The following LNX1 variants were observed in gnomAD, a reference collection of about 807,000 sequenced individuals.
LNX1 encodes the protein E3 ubiquitin-protein ligase LNX.
Under a neutral mutation model 68.4 loss-of-function variants are expected in LNX1, and 54 were observed. That is an observed-to-expected ratio of 0.79 (90% confidence interval 0.63 to 0.99). The LOEUF is 0.99. LNX1 is among the 50% of genes least tolerant of loss of function. The pLI is 0.00. For missense variants in LNX1, 906 were observed against 926.4 expected (o/e 0.98, Z 0.29); for synonymous variants, 336 against 350.0 (o/e 0.96, Z 0.45).
At chr4:53,591,728 C>T, upstream of LNX1, 1 of 262,682 alleles carries the variant, frequency 3.8e-6, no homozygotes, top group Non-Finnish European at 5.9e-6. Flanking sequence ...GTGGAATTTA[C>T]TTTCTTTCCT....
chr4:53,597,155 C>T (rs890660796), intron 2 of LNX1, among the ~76,000 whole-genome samples: 1 of 152,176 alleles, frequency 6.6e-6, no homozygotes, highest in Non-Finnish European at 1.5e-5. Flanking sequence ...AGATGAGTGC[C>T]TCTACCTATG....
intron 2 of LNX1, among the ~76,000 whole-genome samples, chr4:53,616,023 C>T (rs952999485): frequency 2.6e-5 from 4 of 151,970 alleles, no homozygotes; most frequent in African/African-American, 9.7e-5. Context: ...TTTTTGTATT[C>T]ATTTGCCCTC....
intron 2 of LNX1, among the ~76,000 whole-genome samples, chr4:53,556,407 T>G (rs1729914528): frequency 6.6e-6 from 1 of 152,186 alleles, no homozygotes. Flanking sequence ...TCTGTTGTTT[T>G]AAGACATCCA....
chr4:53,467,824 A>G (rs1310978004), intron 9 of LNX1, among the ~76,000 whole-genome samples: 2 of 152,232 alleles, frequency 1.3e-5, no homozygotes, highest in African/African-American at 4.8e-5. Context: ...AAAGTCTCCA[A>G]GAAATATGGG....
At chr4:53,614,325 C>A (rs1385056342) in intron 2 of LNX1, among the ~76,000 whole-genome samples, 4 of 152,146 alleles carry the variant, frequency 2.6e-5, no homozygotes, top group Non-Finnish European at 5.9e-5. Context: ...TATTCTAAGA[C>A]TTCCCCTCCC....
At chr4:53,521,524 A>G (rs1357685976) in intron 2 of LNX1, among the ~76,000 whole-genome samples, 1 of 152,220 alleles carries the variant, frequency 6.6e-6, no homozygotes, top group Non-Finnish European at 1.5e-5. Context: ...CGTGTCATGC[A>G]AAGATAGCTG....
At chr4:53,589,915 ATTAT>A (rs1239568568) in intron 1 of LNX1, among the ~76,000 whole-genome samples, 1 of 152,232 alleles carries the variant, frequency 6.6e-6, no homozygotes, top group East Asian at 1.9e-4. Flanking sequence ...CAGTGATGAA[ATTAT>A]TTATTTAATC....
chr4:53,471,240 A>T (rs1031329318), intron 9 of LNX1, among the ~76,000 whole-genome samples: 2 of 151,990 alleles, frequency 1.3e-5, no homozygotes, highest in Non-Finnish European at 2.9e-5. Flanking sequence ...AGCAATGGGG[A>T]AACGATTCCC....
intron 2 of LNX1, among the ~76,000 whole-genome samples, chr4:53,611,922 C>T (rs1263365138): frequency 1.3e-5 from 2 of 152,070 alleles, no homozygotes; most frequent in African/African-American, 4.8e-5. Context: ...TATAACTTTT[C>T]AGGCAGAGAT....
At chr4:53,597,409 C>T (rs1247839490) in intron 2 of LNX1, among the ~76,000 whole-genome samples, 3 of 152,190 alleles carry the variant, frequency 2.0e-5, no homozygotes, top group African/African-American at 4.8e-5. Context: ...CACCTGCCAG[C>T]CCCCATGCCA....
At chr4:53,590,076 C>T (rs1732414618) in intron 1 of LNX1, among the ~76,000 whole-genome samples, 1 of 150,366 alleles carries the variant, frequency 6.7e-6, no homozygotes, top group Non-Finnish European at 1.5e-5. Flanking sequence ...GGTGGCCAAA[C>T]CCCCCCCCTT....
chr4:53,591,545 C>A (rs1367917866), upstream of LNX1: 12 of 985,348 alleles, frequency 1.2e-5, no homozygotes, highest in Non-Finnish European at 1.2e-5. Flanking sequence ...ATTGGTCGCT[C>A]CAGACCAGGA....
intron 2 of LNX1, among the ~76,000 whole-genome samples, chr4:53,533,457 G>T (rs58887272): frequency 1.3e-5 from 2 of 152,076 alleles, no homozygotes; most frequent in South Asian, 4.1e-4. Context: ...GGAGTGCAGC[G>T]GTGCGTTCTC....
chr4:53,536,219 A>G (rs1380291505), intron 2 of LNX1, among the ~76,000 whole-genome samples: 1 of 152,196 alleles, frequency 6.6e-6, no homozygotes, highest in East Asian at 1.9e-4. Flanking sequence ...TACACTTCCC[A>G]TATTCTCAGG....
At chr4:53,483,034 T>C (rs1724047975) in intron 6 of LNX1, among the ~76,000 whole-genome samples, 1 of 152,236 alleles carries the variant, frequency 6.6e-6, no homozygotes, top group African/African-American at 2.4e-5. Flanking sequence ...ATGGTTTGAC[T>C]GTGTCCCCAG....
chr4:53,564,540 C>T (rs1730510449), intron 2 of LNX1, among the ~76,000 whole-genome samples: 1 of 152,118 alleles, frequency 6.6e-6, no homozygotes, highest in African/African-American at 2.4e-5. Flanking sequence ...ATAATTATTC[C>T]CCAGAGATGT....
At chr4:53,483,081 CAT>C (rs961921645) in intron 6 of LNX1, among the ~76,000 whole-genome samples, 2 of 152,126 alleles carry the variant, frequency 1.3e-5, no homozygotes, top group African/African-American at 4.8e-5. Context: ...CCATAATTCC[CAT>C]ATGTCATCGG....
chr4:53,558,160 A>G, intron 2 of LNX1: 3 of 1,382,032 alleles, frequency 2.2e-6, no homozygotes, highest in Non-Finnish European at 2.8e-6. Context: ...TCTGATTCTC[A>G]GATGAGAGGA....
Position 53,461,566 on chromosome 4 carries a change from T to C in LNX1, c.1920A>G (p.Val640=), listed in dbSNP as rs1194057441. The C allele has an allele frequency of 1.2e-6, 2 of 1,612,056 alleles. No homozygotes were observed. The highest frequency in any genetic ancestry group is 2.2e-5 in the East Asian group (1 of 44,828). ...GACTTCCAGCTGTGTTTCTTCGTAA[T>C]ACAATATCTTTACAGTTATACAAGC... The part of the protein sequence containing the change: ...PRCLYNCKDI[V]LRRNTAGSLG... The change falls in exon 10 of 11, where the codon GTA becomes GTG. Residue 640 remains valine (V), a synonymous_variant. Coordinates refer to ENST00000263925, the MANE Select transcript of LNX1 (RefSeq NM_001126328.3).
Sources: allele counts gnomAD v4.1 joint callset (sites outside exome capture counted in the v4.1 genomes callset), GRCh38; gene constraint gnomAD v4.1.1; transcripts MANE v1.5; gene names NCBI Gene and HGNC (gene_info 2026-07-23, HGNC 2026-07-21).